Variants in CNTNAP2 observed in about 807,000 individuals in gnomAD.
CNTNAP2 encodes the protein contactin-associated protein-like 2.
In CNTNAP2, 98 loss-of-function variants were observed where a neutral mutation model predicts 155.2. The ratio of observed to expected loss-of-function variants is 0.63; its 90% CI spans 0.54 to 0.75. CNTNAP2 has a LOEUF of 0.75. Ranked by LOEUF, CNTNAP2 falls within the 30% of genes least tolerant of loss-of-function variation. The probability of loss-of-function intolerance (pLI) is 0.00; values close to 1 mark genes in which losing one functional copy is unlikely to be tolerated. For synonymous variants in CNTNAP2, 651 were observed against 631.2 expected, an observed-to-expected ratio of 1.03 and a Z score of -0.47; for missense variants, 1,727 against 1,688.1, an observed-to-expected ratio of 1.02 and a Z score of -0.40.
At chr7:146,776,007 A>T (rs1039225837) in intron 2 of CNTNAP2, among the ~76,000 whole-genome samples, 1 of 152,180 alleles carries the variant, frequency 6.6e-6, no homozygotes, top group Non-Finnish European at 1.5e-5. Context: ...AAAATTCTGC[A>T]TAAAGATGTT....
intron 1 of CNTNAP2, among the ~76,000 whole-genome samples, chr7:146,351,525 C>G (rs949954378): frequency 6.6e-6 from 1 of 152,110 alleles, no homozygotes; most frequent in African/African-American, 2.4e-5. Flanking sequence ...AGAAGTCTAT[C>G]CATGTAACAT....
intron 8 of CNTNAP2, among the ~76,000 whole-genome samples, chr7:147,253,974 G>A (rs999612595): frequency 5.9e-5 from 9 of 152,154 alleles, no homozygotes; most frequent in Non-Finnish European, 8.8e-5. Context: ...CAGTAAGTGC[G>A]AAAAATGGGA....
At chr7:147,289,881 C>T (rs1160076688) in intron 8 of CNTNAP2, among the ~76,000 whole-genome samples, 2 of 152,118 alleles carry the variant, frequency 1.3e-5, no homozygotes, top group Non-Finnish European at 2.9e-5. Context: ...ACGTAGAAAA[C>T]ACAGCATAAA....
chr7:147,666,926 T>C (rs76699651), intron 13 of CNTNAP2, among the ~76,000 whole-genome samples: 8,667 of 152,240 alleles, frequency 0.057, 457 homozygotes, highest in Admixed American at 0.19. Flanking sequence ...TTGAAGGCAA[T>C]GAGACTAACA....
intron 18 of CNTNAP2, among the ~76,000 whole-genome samples, chr7:148,196,460 G>C (rs1795280302): frequency 6.6e-6 from 1 of 152,144 alleles, no homozygotes; most frequent in African/African-American, 2.4e-5. Context: ...GAGCAGAGGA[G>C]TTTGCAGCAC....
At chr7:146,390,007 T>G (rs1197767574) in intron 1 of CNTNAP2, among the ~76,000 whole-genome samples, 3 of 152,086 alleles carry the variant, frequency 2.0e-5, no homozygotes, top group Admixed American at 6.6e-5. Context: ...AGCCCCGTAT[T>G]TCTTTAGTTT....
chr7:146,698,627 C>T (rs896031927), intron 1 of CNTNAP2, among the ~76,000 whole-genome samples: 1 of 152,096 alleles, frequency 6.6e-6, no homozygotes, highest in Non-Finnish European at 1.5e-5. Context: ...TTGGCACTCT[C>T]TGAGTTTCCT....
At chr7:146,808,515 A>T (rs1196580745) in intron 2 of CNTNAP2, among the ~76,000 whole-genome samples, 4 of 152,232 alleles carry the variant, frequency 2.6e-5, no homozygotes, top group Non-Finnish European at 4.4e-5. Flanking sequence ...TCACATTTTT[A>T]AAAATTTTTA....
chr7:147,730,197 G>A (rs1796714344), intron 13 of CNTNAP2, among the ~76,000 whole-genome samples: 1 of 152,076 alleles, frequency 6.6e-6, no homozygotes, highest in African/African-American at 2.4e-5. Flanking sequence ...AATGTTCCAA[G>A]ATCTTGAACA....
At chr7:148,413,210 A>G (rs10480405) in intron 23 of CNTNAP2, among the ~76,000 whole-genome samples, 87,305 of 149,632 alleles carry the variant, frequency 0.58, 26,181 homozygotes, top group African/African-American at 0.67. Flanking sequence ...TAGCCAACAC[A>G]GTGAAACCCC....
intron 1 of CNTNAP2, among the ~76,000 whole-genome samples, chr7:146,689,507 A>G (rs2129171334): frequency 6.6e-6 from 1 of 152,198 alleles, no homozygotes; most frequent in South Asian, 2.1e-4. Context: ...TAAGCTCTAA[A>G]CAGTAGGCCA....
At chr7:148,052,783 C>T (rs2116497197) in intron 15 of CNTNAP2, among the ~76,000 whole-genome samples, 1 of 152,336 alleles carries the variant, frequency 6.6e-6, no homozygotes, top group African/African-American at 2.4e-5. Flanking sequence ...CACAGTGGCT[C>T]ACGCCTATAA....
intron 12 of CNTNAP2, among the ~76,000 whole-genome samples, chr7:147,630,742 T>C (rs1410193393): frequency 6.6e-6 from 1 of 152,164 alleles, no homozygotes; most frequent in Non-Finnish European, 1.5e-5. Context: ...TCCCAATAGA[T>C]GCAGAAAAAG....
rs539134073 is a variant in CNTNAP2, at chr7:146,822,034, G to A, written c.209-17677G>A. On this transcript the variant is annotated intron_variant, in intron 2 of 23. Transcript: ENST00000361727. The stretch of plus-strand genomic sequence containing the variant: ...AGACACATGCACACGTATGTTTATT[G>A]CGGCACTATTCACAGTAGCAAAGAC... Among the ~76,000 whole-genome samples the A allele has an allele frequency of 1.9e-3, 295 of 152,100 alleles. 1 individual carries two copies. The highest frequency in any genetic ancestry group is 6.8e-3 in the African/African-American group (282 of 41,490).
intron 15 of CNTNAP2, 47 bp from the exon 16 acceptor site, chr7:148,118,071 C>A (rs1359407127): frequency 3.1e-6 from 5 of 1,591,568 alleles, no homozygotes; most frequent in Non-Finnish European, 4.3e-6. Flanking sequence ...CATGACTAGG[C>A]TGATCAGGGT....
intron 1 of CNTNAP2, among the ~76,000 whole-genome samples, chr7:146,158,217 A>G (rs924503089): frequency 7.2e-5 from 11 of 152,178 alleles, no homozygotes; most frequent in African/African-American, 2.7e-4. Flanking sequence ...GGACACCCAC[A>G]CCAAAACCCT....
At chr7:147,227,880 A>G (rs1435066676) in intron 8 of CNTNAP2, among the ~76,000 whole-genome samples, 3 of 152,182 alleles carry the variant, frequency 2.0e-5, no homozygotes, top group African/African-American at 4.8e-5. Context: ...AAGTTGTGAG[A>G]CTGAAGGAGA....
chr7:147,225,742 AGAAGGAAGGAAGGAAG>A (rs56768185), intron 8 of CNTNAP2, among the ~76,000 whole-genome samples: 10,592 of 103,892 alleles, frequency 0.1, 696 homozygotes, highest in African/African-American at 0.16. Flanking sequence ...TAGGAAGGAA[AGAAGGAAGGAAGGAAG>A]GAAGGAAGGA....
At chr7:146,470,364 C>A (rs1164517170) in intron 1 of CNTNAP2, among the ~76,000 whole-genome samples, 1 of 152,022 alleles carries the variant, frequency 6.6e-6, no homozygotes, top group African/African-American at 2.4e-5. Context: ...AATAAATAAA[C>A]ATCATTAATG....
Sources: allele counts gnomAD v4.1 joint callset (sites outside exome capture counted in the v4.1 genomes callset), GRCh38; gene constraint gnomAD v4.1.1; transcripts MANE v1.5; gene names NCBI Gene and HGNC (gene_info 2026-07-23, HGNC 2026-07-21).